Variants in OPLAH observed in about 807,000 individuals in gnomAD.
The protein encoded by OPLAH is 5-oxoprolinase.
OPLAH carries 103 observed loss-of-function variants against 122.8 expected under a neutral mutation model. The observed-to-expected ratio is 0.84, with a 90% CI of 0.71 to 0.99. The LOEUF (loss-of-function observed/expected upper bound fraction) is 0.99, where lower values mean the gene tolerates loss of function less well. Ranked by LOEUF, OPLAH falls within the 50% of genes least tolerant of loss-of-function variation. The pLI is 0.00. For synonymous variants in OPLAH, 875 were observed against 796.0 expected, an observed-to-expected ratio of 1.10 and a Z score of -1.67; for missense variants, 1,902 against 1,836.5, an observed-to-expected ratio of 1.04 and a Z score of -0.65.
Position 144,051,641 on chromosome 8 carries a change from TGGTCA to T in OPLAH, c.3720+83_3720+87del. On this transcript the variant is annotated intron_variant, in intron 26 of 26. Coordinates refer to ENST00000618853, the MANE Select transcript of OPLAH (RefSeq NM_017570.5). The stretch of plus-strand genomic sequence containing the variant: ...CCGGGGCCAAATTAAACTCGGCCTC[TGGTCA>T]GGTCTGCAACTGTTCCCCCTCTGTG... 4 of 1,183,494 alleles carry T rather than the reference TGGTCA, an allele frequency of 3.4e-6. No individual in the cohort carries two copies. In the South Asian group the frequency reaches 4.1e-5, roughly 12 times the overall value. 73.3% of individuals were successfully genotyped at this position (1,183,494 alleles called of 1,614,324 possible). A position where few individuals can be genotyped will look rare whatever the true frequency, so the allele number is the denominator to read the frequency against.
chr8:144,059,903 C>CT lies in OPLAH; in HGVS notation c.129_130insA (p.Ala44SerfsTer77), dbSNP rs1835627134. The CT allele has an allele frequency of 6.2e-7, 1 of 1,612,688 alleles. No individual in the cohort carries two copies. The highest frequency in any genetic ancestry group is 1.3e-5 in the African/African-American group (1 of 74,940). Reference sequence around the variant, plus strand: ...CGGATGCCTTCGGTTGGCGCGTCCGCATAGTTGGCAGGGTCCTCTGAGAGC... The same window carrying CT: ...CGGATGCCTTCGGTTGGCGCGTCCGCTATAGTTGGCAGGGTCCTCTGAGAGC... On this transcript the variant is annotated frameshift_variant, in exon 2 of 27. Coordinates refer to ENST00000618853, the MANE Select transcript of OPLAH (RefSeq NM_017570.5). LOFTEE classifies it high-confidence loss of function.
Position 144,052,207 on chromosome 8 carries a change from G to A in OPLAH, c.3423C>T (p.Thr1141=), listed in dbSNP as rs1276472883. The change falls in exon 24 of 27, where the codon ACC becomes ACT. Residue 1141 remains threonine, a synonymous_variant. Coordinates refer to ENST00000618853, the MANE Select transcript of OPLAH (RefSeq NM_017570.5). ...HGRSGVHSHM[T]NTRITDPEIL... The stretch of plus-strand genomic sequence containing the variant: ...TCTCAGGGTCGGTGATGCGTGTGTT[G>A]GTCATGTGGCTGTGCACACCGCTGC... 1 of 1,582,194 alleles carries A rather than the reference G, an allele frequency of 6.3e-7. No individual in the cohort carries two copies. Among genetic ancestry groups the A allele is most frequent in the Non-Finnish European group, 8.6e-7 (1 of 1,168,654 alleles).
chr8:144,054,989 G>GGGGGGGGGGGGA, intron 17 of OPLAH, 40 bp downstream of exon 17: 1 of 877,504 alleles, frequency 1.1e-6, no homozygotes, highest in South Asian at 2.2e-5. Context: ...GGTGGAGGGT[G>GGGGGGGGGGGGA]AGGGAGGGGG....
At chr8:144,051,689 G>T (rs993493780) in intron 26 of OPLAH, 40 bp downstream of exon 26, 2 of 1,441,298 alleles carry the variant, frequency 1.4e-6, no homozygotes, top group Admixed American at 1.8e-5. Flanking sequence ...GCCGGGAGGG[G>T]AGGGGAGGGG....
intron 3 of OPLAH, 27 bp downstream of exon 3, chr8:144,059,572 C>G: frequency 6.3e-7 from 1 of 1,584,630 alleles, no homozygotes; most frequent in Non-Finnish European, 8.6e-7. Flanking sequence ...ACCACACAGC[C>G]TGGTCCCCAG....
Position 144,056,764 on chromosome 8 carries a change from G to A in OPLAH, c.1707-9C>T, listed in dbSNP as rs1835527061. On this transcript the variant is annotated splice_polypyrimidine_tract_variant and intron_variant, in intron 12 of 26. Coordinates refer to ENST00000618853, the MANE Select transcript of OPLAH (RefSeq NM_017570.5). Reference sequence around the variant, plus strand: ...CAGTGCTGATCTGGGACCTGCAGCAGGTGGTTGGGGGCACTCACACCAAAC... The same window carrying A: ...CAGTGCTGATCTGGGACCTGCAGCAAGTGGTTGGGGGCACTCACACCAAAC... 6.3e-7 allele frequency: 1 copy of A among 1,597,532 alleles called. No homozygotes were observed. The highest frequency in any genetic ancestry group is 8.5e-7 in the Non-Finnish European group (1 of 1,170,828).
At position 144,055,868 on chromosome 8, in the gene OPLAH, G is replaced by A. The variant is rs1395560320; in HGVS notation, c.2168C>T (p.Ala723Val). The A allele has an allele frequency of 1.9e-6, 3 of 1,581,246 alleles. No homozygotes were observed. Among genetic ancestry groups the A allele is most frequent in the Non-Finnish European group, 2.6e-6 (3 of 1,164,312 alleles). ...KTGDICISVGAEVPGTVGPQL... is the reference protein window; with the variant it reads ...KTGDICISVGVEVPGTVGPQL... ...GGGGCCCACTGTGCCGGGGACTTCG[G>A]CCCCCACGGAGATGCAGATGTCCCC... is the stretch of plus-strand genomic sequence containing the variant. The change falls in exon 16 of 27, where the codon GCC becomes GTC. Residue 723 changes from alanine to valine, a missense_variant. Ala to Val is a moderately conservative substitution (Grantham distance 64). This residue lies in a region of OPLAH where 1,726 missense variants were observed against 1,642.1 expected (regional missense o/e 1.05). Coordinates refer to ENST00000618853, the MANE Select transcript of OPLAH (RefSeq NM_017570.5). The surrounding 1 kb of genome is among the most constrained non-coding windows in gnomAD (Gnocchi z 6.5).
Position 144,052,785 on chromosome 8 carries a change from C to G in OPLAH, c.3134G>C (p.Arg1045Pro). 1 of 1,565,332 alleles carries G rather than the reference C, an allele frequency of 6.4e-7. No individual in the cohort carries two copies. Among genetic ancestry groups the G allele is most frequent in the Non-Finnish European group, 8.6e-7 (1 of 1,156,210 alleles). The change falls in exon 22 of 27, where the codon CGC becomes CCC. Residue 1045 changes from arginine to proline, a missense_variant. Around this residue, in one of 3 missense-constraint regions of OPLAH, gnomAD observed 1,726 missense variants for 1,642.1 expected, o/e 1.05. Transcript: ENST00000618853. ...LIYCLRCLVG[R>P]DIPLNQGCLA... The stretch of plus-strand genomic sequence containing the variant: ...GCGAACCTGGTTGAGTGGGATGTCG[C>G]GGCCCACCAGACAGCGCAGGCAGTA...
Position 144,057,010 on chromosome 8 carries a change from G to A in OPLAH, c.1644C>T (p.Asp548=). The change falls in exon 12 of 27, where the codon GAC becomes GAT. Residue 548 remains aspartate (D), a synonymous_variant. Transcript: ENST00000618853. ...LYAPETFVQL[D]QRLSRLEEQC... ...GCTCCTCCAGGCGGCTCAGCCTCTG[G>A]TCCAGCTGCACGAAGGTCTCAGGCG... 1 of 1,594,290 alleles carries A rather than the reference G, an allele frequency of 6.3e-7. No homozygotes were observed. Among genetic ancestry groups the A allele is most frequent in the African/African-American group, 1.3e-5 (1 of 74,684 alleles).
Position 144,055,123 on chromosome 8 carries a change from G to A in OPLAH, c.2315C>T (p.Ser772Phe). The change falls in exon 17 of 27, where the codon TCC becomes TTC. Residue 772 changes from serine (S) to phenylalanine (F), a missense_variant. Ser to Phe is a radical substitution (Grantham distance 155). Coordinates refer to ENST00000618853, the MANE Select transcript of OPLAH (RefSeq NM_017570.5). This position sits in a 1 kb window ranked among gnomAD's most constrained non-coding sequence, Gnocchi z 6.5. ...STNIKERLDF[S>F]CALFGPDGGL... ...CCCATCGGGCCCAAAGAGGGCACAG[G>A]AGAAGTCCAGACGCTCCTTGATGTT... 1 of 1,588,614 alleles carries A rather than the reference G, an allele frequency of 6.3e-7. No homozygotes were observed. The highest frequency in any genetic ancestry group is 8.6e-7 in the Non-Finnish European group (1 of 1,167,632).
chr8:144,053,015 T>C lies in OPLAH; in HGVS notation c.2986A>G (p.Ile996Val), dbSNP rs782109874. Residue 996 changes from isoleucine to valine, a missense_variant, in exon 21 of 27, where the codon ATC becomes GTC. Ile to Val is a conservative substitution (Grantham distance 29). This residue lies in a region of OPLAH where 1,726 missense variants were observed against 1,642.1 expected (regional missense o/e 1.05). Coordinates refer to ENST00000618853, the MANE Select transcript of OPLAH (RefSeq NM_017570.5). ...SEDHMDDGSP[I>V]RLRVQISLSQ... ...AGGCTGATCTGCACACGGAGGCGGA[T>C]GGGGGAACCGTCGTCCATGTGGTCT... 3.1e-6 allele frequency: 5 copies of C among 1,603,464 alleles called. No homozygotes were observed. The highest frequency in any genetic ancestry group is 2.2e-5 in the East Asian group (1 of 44,520).
Position 144,053,082 on chromosome 8 carries a change from G to A in OPLAH, c.2919C>T (p.Thr973=). 1.9e-6 allele frequency: 3 copies of A among 1,605,226 alleles called. No homozygotes were observed. Among genetic ancestry groups the A allele is most frequent in the Non-Finnish European group, 2.5e-6 (3 of 1,176,660 alleles). ...AVRDMLRAFG[T]SRQARGLPLE... is the part of the protein sequence containing the mutation. ...GGGGCAGGCCCCGGGCCTGCCGGGA[G>A]GTTCCAAAGGCACGCAACATGTCTC... is the stretch of plus-strand genomic sequence containing the variant. The change falls in exon 21 of 27, where the codon ACC becomes ACT. Residue 973 remains threonine (T), a synonymous_variant. Transcript: ENST00000618853.
rs1554759563 is a variant in OPLAH, at chr8:144,057,439, T to C, written c.1422+9A>G. ...GGCAGGACAGGCGGGAGAGCAGAGG[T>C]GGACGTACCTGCGTGAGTGCACGGA... is the stretch of plus-strand genomic sequence containing the variant. On this transcript the variant is annotated intron_variant, in intron 10 of 26. Coordinates refer to ENST00000618853, the MANE Select transcript of OPLAH (RefSeq NM_017570.5). 1.3e-6 allele frequency: 2 copies of C among 1,572,838 alleles called. No homozygotes were observed. Among genetic ancestry groups the C allele is most frequent in the Non-Finnish European group, 8.6e-7 (1 of 1,159,422 alleles).
Position 144,052,938 on chromosome 8 carries a change from C to T in OPLAH, c.3019-38G>A, listed in dbSNP as rs782109932. ...AGGGAAGGGAGAGGCTGTCAGCGGC[C>T]GCACCGTGCCCCTGCCGCCTAGAGG... On this transcript the variant is annotated intron_variant, in intron 21 of 26. Coordinates refer to ENST00000618853, the MANE Select transcript of OPLAH (RefSeq NM_017570.5). 7.6e-6 allele frequency: 12 copies of T among 1,570,334 alleles called. No homozygotes were observed. In the East Asian group the frequency reaches 9.4e-5, roughly 12 times the overall value.
At chr8:144,056,927 C>T (rs1587560902) in intron 12 of OPLAH, 21 bp downstream of exon 12, 9 of 1,558,134 alleles carry the variant, frequency 5.8e-6, no homozygotes, top group Admixed American at 1.9e-5. Context: ...GCCCTCTGTC[C>T]AGGGCACCCT....
chr8:144,054,458 C>A (rs1384458221), intron 19 of OPLAH, 103 bp downstream of exon 19: 2 of 1,275,096 alleles, frequency 1.6e-6, no homozygotes, highest in African/African-American at 1.5e-5. Flanking sequence ...CAAGGCAGGC[C>A]TGGGCCTATG....
At position 144,059,682 on chromosome 8, in the gene OPLAH, C is replaced by T; in HGVS notation, c.280G>A (p.Glu94Lys). 1 of 1,612,422 alleles carries T rather than the reference C, an allele frequency of 6.2e-7. No individual in the cohort carries two copies. The highest frequency in any genetic ancestry group is 8.5e-7 in the Non-Finnish European group (1 of 1,179,830). ...CGTGTCACCAGCAGCGCCACCCGCT[C>T]CCCCTTCCGCTCCAGCAGTGCGTTG... is the stretch of plus-strand genomic sequence containing the variant. The part of the protein sequence containing the change: ...ATNALLERKG[E>K]RVALLVTRGF... The change falls in exon 3 of 27, where the codon GAG becomes AAG. Residue 94 changes from glutamate (E) to lysine (K), a missense_variant. Glu to Lys is a moderately conservative substitution (Grantham distance 56, BLOSUM62 1). This residue lies in a region of OPLAH where 168 missense variants were observed against 170.6 expected (regional missense o/e 0.98). Transcript: ENST00000618853.
In OPLAH at chr8:144,053,315, T is replaced by C; in HGVS notation, c.2765A>G (p.Asp922Gly). 1.2e-6 allele frequency: 2 copies of C among 1,612,850 alleles called. No homozygotes were observed. Among genetic ancestry groups the C allele is most frequent in the East Asian group, 2.2e-5 (1 of 44,868 alleles). The change falls in exon 20 of 27, where the codon GAC becomes GGC. Residue 922 changes from aspartate to glycine, a missense_variant. Asp to Gly is a moderately conservative substitution (Grantham distance 94). Around this residue, in one of 3 missense-constraint regions of OPLAH, gnomAD observed 1,726 missense variants for 1,642.1 expected, o/e 1.05. Transcript: ENST00000618853. ...GTTGGCTGCCACCTGGGCACGGAGG[T>C]CCGACAGGTTGTCGTGCAGGTTTCT... is the stretch of plus-strand genomic sequence containing the variant. ...GTRNLHDNLS[D>G]LRAQVAANQK...
chr8:144,058,916 G>GAAAA lies in OPLAH; in HGVS notation c.464-21_464-20insTTTT. On this transcript the variant is annotated intron_variant, in intron 4 of 26. Transcript: ENST00000618853. ...TGCGGCCTTCCAGAAAAGCCCAGGA[G>GAAAA]GCCCCGTTAAAGGCCAGCAGGACCC... The GAAAA allele has an allele frequency of 1.3e-6, 2 of 1,550,230 alleles. No individual in the cohort carries two copies. Among genetic ancestry groups the GAAAA allele is most frequent in the Non-Finnish European group, 1.7e-6 (2 of 1,146,472 alleles).
Sources: gnomAD v4.1 joint callset for allele counts on GRCh38, gnomAD v4.1.1 for gene constraint, gnomAD v4.1.1 regional missense constraint, Gnocchi (gnomAD v3.1) non-coding constraint, MANE v1.5 for transcripts, NCBI Gene and HGNC (gene_info 2026-07-23, HGNC 2026-07-21) for gene names.